The following ENTREP2 variants were observed in gnomAD, a reference collection of about 807,000 sequenced individuals.
ENTREP2 encodes the protein protein ENTREP2.
chr15:29,153,512 G>A, the ENTREP2 span, among the ~76,000 whole-genome samples: 2 of 152,192 alleles, frequency 1.3e-5, no homozygotes, highest in African/African-American at 2.4e-5. Context: ...ATCCCATCAT[G>A]TGGAATCTAC....
chr15:29,623,891 A>G, the ENTREP2 span, among the ~76,000 whole-genome samples: 1 of 151,926 alleles, frequency 6.6e-6, no homozygotes, highest in Non-Finnish European at 1.5e-5. Context: ...GCCCACCACT[A>G]CGCCCAGCTA....
chr15:29,647,718 C>G, the ENTREP2 span, among the ~76,000 whole-genome samples: 1 of 152,264 alleles, frequency 6.6e-6, no homozygotes, highest in Non-Finnish European at 1.5e-5. Context: ...CAATTTCATT[C>G]AATATAGAAG....
the ENTREP2 span, among the ~76,000 whole-genome samples, chr15:29,125,878 C>G: frequency 6.6e-6 from 1 of 152,178 alleles, no homozygotes; most frequent in South Asian, 2.1e-4. Context: ...CTGCTGAAAA[C>G]GCACCTGTGT....
chr15:29,182,862 T>C, the ENTREP2 span, among the ~76,000 whole-genome samples: 34 of 151,818 alleles, frequency 2.2e-4, no homozygotes, highest in Admixed American at 1.8e-3. Context: ...CCCTCAGAAA[T>C]AGACATCTTC....
chr15:29,263,839 C>T, the ENTREP2 span, among the ~76,000 whole-genome samples: 1 of 152,100 alleles, frequency 6.6e-6, no homozygotes, highest in Admixed American at 6.5e-5. Flanking sequence ...AGGATTAATT[C>T]CAGGCCTAGG....
chr15:29,170,092 G>C, the ENTREP2 span, among the ~76,000 whole-genome samples: 1 of 152,100 alleles, frequency 6.6e-6, no homozygotes, highest in South Asian at 2.1e-4. Flanking sequence ...GGGATCATGA[G>C]GTCAGAAGAT....
At chr15:29,227,907 C>A in the ENTREP2 span, among the ~76,000 whole-genome samples, 6 of 152,154 alleles carry the variant, frequency 3.9e-5, no homozygotes, top group South Asian at 1.2e-3. Flanking sequence ...TTTAATCACA[C>A]CACATATAAC....
the ENTREP2 span, among the ~76,000 whole-genome samples, chr15:29,490,418 G>A: frequency 2.0e-4 from 31 of 152,232 alleles, no homozygotes; most frequent in Admixed American, 6.5e-5. Flanking sequence ...GTTTGCGGCT[G>A]CTGGCTCCGG....
the ENTREP2 span, chr15:29,136,553 T>A: frequency 4.6e-6 from 7 of 1,528,800 alleles, no homozygotes; most frequent in South Asian, 7.5e-5. Flanking sequence ...GAGGCAGAAG[T>A]GCTGACAGCT....
At chr15:29,281,770 G>GTAGACTAGGGAGTCCCA in the ENTREP2 span, among the ~76,000 whole-genome samples, 17 of 152,218 alleles carry the variant, frequency 1.1e-4, no homozygotes, top group African/African-American at 3.6e-4. Context: ...CTTCCCAGCT[G>GTAGACTAGGGAGTCCCA]ACATCTGTAG....
the ENTREP2 span, among the ~76,000 whole-genome samples, chr15:29,352,018 T>C: frequency 6.6e-6 from 1 of 152,118 alleles, no homozygotes; most frequent in South Asian, 2.1e-4. Context: ...AACTATAACC[T>C]TGAACTCCTG....
At chr15:29,293,099 T>C in the ENTREP2 span, among the ~76,000 whole-genome samples, 1 of 152,294 alleles carries the variant, frequency 6.6e-6, no homozygotes, top group Admixed American at 6.5e-5. Context: ...CTGCTTAACA[T>C]GATGCTTTTT....
chr15:29,615,694 C>A, the ENTREP2 span, among the ~76,000 whole-genome samples: 1 of 152,136 alleles, frequency 6.6e-6, no homozygotes, highest in Non-Finnish European at 1.5e-5. Context: ...TTGCTATTCC[C>A]TTTTTTCCCC....
chr15:29,343,117 T>A, the ENTREP2 span, among the ~76,000 whole-genome samples: 1 of 151,996 alleles, frequency 6.6e-6, no homozygotes, highest in Non-Finnish European at 1.5e-5. Context: ...TACCCCTTTT[T>A]CTCTGAGAAA....
the ENTREP2 span, among the ~76,000 whole-genome samples, chr15:29,315,412 T>C: frequency 6.6e-6 from 1 of 152,220 alleles, no homozygotes; most frequent in African/African-American, 2.4e-5. Flanking sequence ...CAAACACATT[T>C]GTCTATGGTA....
At chr15:29,644,859 T>C in the ENTREP2 span, among the ~76,000 whole-genome samples, 1 of 129,084 alleles carries the variant, frequency 7.7e-6, no homozygotes, top group African/African-American at 2.8e-5. Flanking sequence ...AAAAGAAAAG[T>C]AAAGAAGAAA....
At chr15:29,331,828 C>T in the ENTREP2 span, among the ~76,000 whole-genome samples, 1 of 152,292 alleles carries the variant, frequency 6.6e-6, no homozygotes, top group East Asian at 1.9e-4. Context: ...GAAAGGCAGG[C>T]ACCCGACAGA....
the ENTREP2 span, among the ~76,000 whole-genome samples, chr15:29,495,761 G>A: frequency 6.6e-6 from 1 of 151,946 alleles, no homozygotes; most frequent in East Asian, 1.9e-4. Flanking sequence ...CTGTTCCATT[G>A]GTCTATGTGT....
At chr15:29,614,457 G>T in the ENTREP2 span, among the ~76,000 whole-genome samples, 1 of 152,070 alleles carries the variant, frequency 6.6e-6, no homozygotes, top group African/African-American at 2.4e-5. Flanking sequence ...GAGAGGGAGG[G>T]TCTAGAGCAG....
Sources: allele counts gnomAD v4.1 joint callset (sites outside exome capture counted in the v4.1 genomes callset), GRCh38; gene constraint gnomAD v4.1.1; transcripts MANE v1.5; gene names NCBI Gene and HGNC (gene_info 2026-07-23, HGNC 2026-07-21).